Variants in CNBD1 observed in about 807,000 individuals in gnomAD.
CNBD1 encodes cyclic nucleotide binding domain containing 1, also known as cyclic nucleotide-binding domain-containing protein 1.
In CNBD1, 71 loss-of-function variants were observed where a neutral mutation model predicts 54.4. The ratio of observed to expected loss-of-function variants is 1.30; its 90% CI spans 1.08 to 1.59. The LOEUF (loss-of-function observed/expected upper bound fraction) is 1.59. Ranked by LOEUF, CNBD1 falls within the 40% of genes most tolerant of loss-of-function variation. CNBD1 has a pLI of 0.00. For synonymous variants in CNBD1, 182 were observed against 170.7 expected, an observed-to-expected ratio of 1.07 and a Z score of -0.51; for missense variants, 659 against 518.0, an observed-to-expected ratio of 1.27 and a Z score of -2.64.
rs533482382 is a variant in CNBD1, at chr8:87,166,608, C to G, written c.432-39385C>G. The stretch of plus-strand genomic sequence containing the variant: ...TCTCAATGTTCATTATTTCCAAAGT[C>G]CAGCCCTTCTCACAGTTCTCTGGCT... On this transcript the variant is annotated intron_variant, in intron 4 of 10. Transcript: ENST00000518476. The surrounding 1 kb of genome is among the most constrained non-coding windows in gnomAD (Gnocchi z 4.3). Among the ~76,000 whole-genome samples, 94 of 152,052 alleles carry G rather than the reference C, an allele frequency of 6.2e-4. 1 individual carries two copies. The highest frequency in any genetic ancestry group is 1.1e-3 in the Admixed American group (16 of 15,222).
intron 5 of CNBD1, among the ~76,000 whole-genome samples, chr8:87,213,492 G>A (rs574996762): frequency 2.0e-5 from 3 of 152,150 alleles, no homozygotes; most frequent in Non-Finnish European, 4.4e-5. Flanking sequence ...AGACAAGAGA[G>A]AATGAGACCC....
At chr8:86,888,688 C>A (rs548592967) in intron 2 of CNBD1, among the ~76,000 whole-genome samples, 2 of 152,198 alleles carry the variant, frequency 1.3e-5, no homozygotes, top group Non-Finnish European at 2.9e-5. Flanking sequence ...AAAGCTCATC[C>A]AATATTTTAA....
At chr8:87,380,548 G>GA (rs1324784582) in intron 10 of CNBD1, among the ~76,000 whole-genome samples, 3 of 151,576 alleles carry the variant, frequency 2.0e-5, no homozygotes, top group South Asian at 2.1e-4. Flanking sequence ...GTCTATTTCT[G>GA]AAAAAAAGCA....
intron 8 of CNBD1, among the ~76,000 whole-genome samples, chr8:87,294,066 A>G (rs1808831721): frequency 6.6e-6 from 1 of 152,126 alleles, no homozygotes; most frequent in South Asian, 2.1e-4. Context: ...AAAAAGTCAA[A>G]GTTTTAGGGG....
At chr8:87,391,887 A>C (rs963640811) in intron 2 of CNBD1, among the ~76,000 whole-genome samples, 12 of 152,116 alleles carry the variant, frequency 7.9e-5, no homozygotes, top group Non-Finnish European at 8.8e-5. Flanking sequence ...GACACTATCA[A>C]GAAAGTGATG....
intron 2 of CNBD1, among the ~76,000 whole-genome samples, chr8:87,414,515 A>T (rs1445533767): frequency 1.3e-5 from 2 of 152,166 alleles, no homozygotes; most frequent in African/African-American, 4.8e-5. Flanking sequence ...TAAAACTTAA[A>T]GTATAATAAT....
rs112383415 is a variant in CNBD1, at chr8:86,907,690, CA to C, written c.272+2505del. Among the ~76,000 whole-genome samples the C allele has an allele frequency of 8.8e-4, 131 of 148,432 alleles. 1 individual carries two copies. The highest frequency in any genetic ancestry group is 4.7e-3 in the Admixed American group (70 of 14,862). ...TAAAAAAAAAACAAAAACAAAAAAA[CA>C]AAAAAAAACCCCTTAAACTGAATTA... On this transcript the variant is annotated intron_variant, in intron 3 of 10. Coordinates refer to ENST00000518476, the MANE Select transcript of CNBD1 (RefSeq NM_173538.3).
intron 4 of CNBD1, among the ~76,000 whole-genome samples, chr8:87,108,785 T>G (rs1811597936): frequency 6.6e-6 from 1 of 152,178 alleles, no homozygotes; most frequent in Non-Finnish European, 1.5e-5. Flanking sequence ...AATAATGGCT[T>G]TCTTGTTTGT....
intron 4 of CNBD1, among the ~76,000 whole-genome samples, chr8:87,025,196 A>G (rs148916690): frequency 2.1e-5 from 3 of 145,226 alleles, no homozygotes; most frequent in African/African-American, 8.5e-5. Context: ...ACCAATCAGC[A>G]CTCTGTAAAA....
At chr8:87,364,667 C>T (rs1810604636) in intron 10 of CNBD1, among the ~76,000 whole-genome samples, 1 of 151,754 alleles carries the variant, frequency 6.6e-6, no homozygotes, top group Non-Finnish European at 1.5e-5. Context: ...CTGATAGGCC[C>T]CAGTGTGTAT....
intron 3 of CNBD1, among the ~76,000 whole-genome samples, chr8:86,922,589 T>C (rs1012013130): frequency 6.6e-6 from 1 of 152,238 alleles, no homozygotes; most frequent in South Asian, 2.1e-4. Flanking sequence ...TTTGTACAAA[T>C]TGGCTACAGG....
chr8:87,194,183 C>T (rs1458985332), intron 4 of CNBD1, among the ~76,000 whole-genome samples: 3 of 152,184 alleles, frequency 2.0e-5, no homozygotes, highest in Non-Finnish European at 4.4e-5. Flanking sequence ...AAACCAGTCC[C>T]TAGTACCAAA....
intron 2 of CNBD1, among the ~76,000 whole-genome samples, chr8:87,419,635 T>G (rs1807894723): frequency 6.6e-6 from 1 of 151,772 alleles, no homozygotes; most frequent in South Asian, 2.1e-4. Context: ...CTGAAAAGAG[T>G]AATGAAATTG....
intron 6 of CNBD1, among the ~76,000 whole-genome samples, chr8:87,259,922 T>C (rs955402524): frequency 1.3e-5 from 2 of 152,194 alleles, no homozygotes; most frequent in Non-Finnish European, 2.9e-5. Context: ...TTTCTCACTT[T>C]TGAACTTTAC....
intron 6 of CNBD1, among the ~76,000 whole-genome samples, chr8:87,262,632 G>A (rs1808165413): frequency 6.6e-6 from 1 of 152,138 alleles, no homozygotes; most frequent in Non-Finnish European, 1.5e-5. Flanking sequence ...TTTTTCTGGA[G>A]AACCTTGACT....
chr8:87,241,318 T>C (rs1294385487), intron 6 of CNBD1, among the ~76,000 whole-genome samples: 1 of 136,516 alleles, frequency 7.3e-6, no homozygotes, highest in Non-Finnish European at 1.5e-5. Flanking sequence ...TCGCCCAGGC[T>C]GGAGTGCAGT....
chr8:87,278,486 C>A (rs1412134952), intron 6 of CNBD1, among the ~76,000 whole-genome samples: 1 of 151,422 alleles, frequency 6.6e-6, no homozygotes, highest in Non-Finnish European at 1.5e-5. Context: ...ATAATGAATG[C>A]CAGAGAACAA....
chr8:87,170,939 C>T (rs148744046), intron 4 of CNBD1, among the ~76,000 whole-genome samples: 2 of 152,066 alleles, frequency 1.3e-5, no homozygotes, highest in Non-Finnish European at 2.9e-5. Context: ...GGATTTTGCA[C>T]CAATATTCAT....
At chr8:87,306,698 C>T (rs10100665) in intron 8 of CNBD1, among the ~76,000 whole-genome samples, 1 of 150,824 alleles carries the variant, frequency 6.6e-6, no homozygotes, top group Non-Finnish European at 1.5e-5. Context: ...ACCGATATGT[C>T]GGAACTAAGC....
Sources: allele counts gnomAD v4.1 joint callset (sites outside exome capture counted in the v4.1 genomes callset), GRCh38; gene constraint gnomAD v4.1.1; non-coding constraint Gnocchi (gnomAD v3.1); transcripts MANE v1.5; gene names NCBI Gene and HGNC (gene_info 2026-07-23, HGNC 2026-07-21).